ZNF721: variants seen among roughly 807,000 people sequenced by gnomAD.
The protein encoded by ZNF721 is zinc finger protein 721.
A neutral mutation model predicts 2.4 loss-of-function variants in ZNF721; 2 were observed. That is an observed-to-expected ratio of 0.82 (90% CI 0.34 to 2.58). The LOEUF (loss-of-function observed/expected upper bound fraction) is 2.58. Ranked by LOEUF, ZNF721 falls within the 30% of genes most tolerant of loss-of-function variation. ZNF721 has a pLI of 0.11. For synonymous variants in ZNF721, 398 were observed against 381.8 expected (o/e 1.04, Z -0.50); for missense variants, 1,187 against 1,085.5 (o/e 1.09, Z -1.31).
chr4:444,620 G>T (rs1714413404), intron 2 of ZNF721, among the ~76,000 whole-genome samples, 188 bp from the exon 3 acceptor site: 1 of 152,178 alleles, frequency 6.6e-6, no homozygotes, highest in Admixed American at 6.6e-5. Context: ...ATCTATAAAT[G>T]AGTTAATTGT....
intron 1 of ZNF721, among the ~76,000 whole-genome samples, chr4:476,805 A>T (rs1715633740): frequency 6.6e-6 from 1 of 152,228 alleles, no homozygotes; most frequent in African/African-American, 2.4e-5. Context: ...AGAAGTCTTG[A>T]CACACTGGCT....
At chr4:485,587 G>C (rs1715872572) in intron 1 of ZNF721, among the ~76,000 whole-genome samples, 1 of 152,146 alleles carries the variant, frequency 6.6e-6, no homozygotes, top group Non-Finnish European at 1.5e-5. Flanking sequence ...ATTTTCAACT[G>C]GTCCTCCGAA....
intron 1 of ZNF721, among the ~76,000 whole-genome samples, chr4:479,093 T>C (rs1661513965): frequency 1.3e-5 from 2 of 152,134 alleles, no homozygotes; most frequent in Admixed American, 6.5e-5. Context: ...AATTTCAATA[T>C]TGAGTTTTTA....
chr4:470,018 G>A (rs1560237091), intron 2 of ZNF721, among the ~76,000 whole-genome samples: 1 of 152,150 alleles, frequency 6.6e-6, no homozygotes, highest in Admixed American at 6.5e-5. Context: ...GAGTAGCTAG[G>A]ACTACAGGCA....
intron 2 of ZNF721, among the ~76,000 whole-genome samples, chr4:465,002 T>C (rs1445738334): frequency 6.6e-6 from 1 of 151,442 alleles, no homozygotes; most frequent in African/African-American, 2.4e-5. Context: ...GAAGAATTGC[T>C]TGAACCCAGG....
intron 1 of ZNF721, among the ~76,000 whole-genome samples, chr4:488,353 C>G (rs1553870948): frequency 6.6e-6 from 1 of 152,132 alleles, no homozygotes; most frequent in African/African-American, 2.4e-5. Context: ...GTGCCCCACA[C>G]CACAGGAGAA....
intron 1 of ZNF721, among the ~76,000 whole-genome samples, chr4:492,291 C>A (rs1481258302): frequency 6.6e-6 from 1 of 151,810 alleles, no homozygotes; most frequent in Non-Finnish European, 1.5e-5. Context: ...GGCCAGTTAC[C>A]AAAAGGCAAA....
chr4:489,036 TG>T (rs1290887303), intron 1 of ZNF721, among the ~76,000 whole-genome samples: 1 of 152,162 alleles, frequency 6.6e-6, no homozygotes, highest in African/African-American at 2.4e-5. Flanking sequence ...CAGAAGGGAC[TG>T]TCGCAACTTA....
chr4:477,311 C>T (rs1055077905), intron 1 of ZNF721, among the ~76,000 whole-genome samples: 1 of 135,206 alleles, frequency 7.4e-6, no homozygotes, highest in Non-Finnish European at 1.5e-5. Context: ...TGTATGGGCT[C>T]ACTGCAAGCT....
At chr4:447,968 G>C (rs1225239851) in intron 2 of ZNF721, among the ~76,000 whole-genome samples, 3 of 152,018 alleles carry the variant, frequency 2.0e-5, no homozygotes, top group Non-Finnish European at 4.4e-5. Context: ...ATTATACTAG[G>C]ATATTTAAAT....
intron 1 of ZNF721, among the ~76,000 whole-genome samples, chr4:480,479 C>A (rs782334761): frequency 1.3e-5 from 2 of 152,170 alleles, no homozygotes; most frequent in African/African-American, 4.8e-5. Flanking sequence ...AGTATATTTA[C>A]ATTGCAGCAA....
chr4:492,023 G>A (rs1407412586), intron 1 of ZNF721, among the ~76,000 whole-genome samples: 5 of 151,190 alleles, frequency 3.3e-5, no homozygotes, highest in African/African-American at 9.7e-5. Flanking sequence ...TTAGTCGGGC[G>A]TGGCCGGCGG....
At chr4:450,316 C>T (rs1378009689) in intron 2 of ZNF721, among the ~76,000 whole-genome samples, 2 of 152,060 alleles carry the variant, frequency 1.3e-5, no homozygotes, top group Non-Finnish European at 2.9e-5. Context: ...AGTATATATA[C>T]ACAATAAAAT....
At chr4:457,865 G>A (rs1284674001) in intron 2 of ZNF721, among the ~76,000 whole-genome samples, 1 of 152,216 alleles carries the variant, frequency 6.6e-6, no homozygotes, top group South Asian at 2.1e-4. Context: ...TCGTGAAGCA[G>A]TCCTATAACC....
chr4:472,849 C>G, intron 1 of ZNF721, 148 bp from the exon 2 acceptor site: 1 of 1,152,248 alleles, frequency 8.7e-7, no homozygotes, highest in Non-Finnish European at 1.2e-6. Context: ...TATTCTATAG[C>G]TCTGCGGAAA....
chr4:489,928 C>T (rs1417457454), intron 1 of ZNF721, among the ~76,000 whole-genome samples: 79 of 152,174 alleles, frequency 5.2e-4, no homozygotes, highest in African/African-American at 1.8e-3. Context: ...AGTGTGACCT[C>T]GGCTCACTGC....
intron 2 of ZNF721, among the ~76,000 whole-genome samples, chr4:444,979 CTT>C (rs569762644): frequency 0.13 from 13,691 of 107,928 alleles, 784 homozygotes; most frequent in African/African-American, 0.29. Flanking sequence ...TGATGAGAGA[CTT>C]TTTTTTTTTT....
intron 1 of ZNF721, among the ~76,000 whole-genome samples, chr4:498,621 G>C (rs577530212): frequency 6.6e-6 from 1 of 152,080 alleles, no homozygotes; most frequent in African/African-American, 2.4e-5. Flanking sequence ...AGCAAAATAA[G>C]ACACAGAAAG....
At position 444,056 on chromosome 4, in the gene ZNF721, G is replaced by A. The variant is rs782390817; in HGVS notation, c.411C>T (p.Tyr137=). 1.3e-5 allele frequency: 21 copies of A among 1,613,754 alleles called. No homozygotes were observed. Among genetic ancestry groups the A allele is most frequent in the East Asian group, 8.9e-5 (4 of 44,882 alleles). The stretch of plus-strand genomic sequence containing the variant: ...AGTCTTTGCCACGTTCTTCACAAGT[G>A]TAGGGTTTCTCTCCAGCATGAATTC... ...HKGIHAGEKP[Y]TCEERGKDFG... The change falls in exon 3 of 3, where the codon TAC becomes TAT. Residue 137 remains tyrosine, a synonymous_variant. Transcript: ENST00000511833.
Sources: gnomAD v4.1 joint callset for allele counts (sites outside exome capture counted in the v4.1 genomes callset) on GRCh38, gnomAD v4.1.1 for gene constraint, MANE v1.5 for transcripts, NCBI Gene and HGNC (gene_info 2026-07-23, HGNC 2026-07-21) for gene names.